The following APBA2 variants were observed in gnomAD, a reference collection of about 807,000 sequenced individuals.
APBA2 encodes amyloid-beta A4 precursor protein-binding family A member 2.
APBA2 carries 30 observed loss-of-function variants against 75.0 expected under a neutral mutation model. That is an observed-to-expected ratio of 0.40 (90% CI 0.30 to 0.54). The LOEUF (loss-of-function observed/expected upper bound fraction) is 0.54. Among genes scored for constraint, APBA2 ranks in the 20% least tolerant of loss-of-function variants. APBA2 has a pLI of 0.49. For missense variants in APBA2, 801 were observed against 1,016.1 expected, an observed-to-expected ratio of 0.79 and a Z score of 2.88; for synonymous variants, 444 against 409.6, an observed-to-expected ratio of 1.08 and a Z score of -1.01.
At chr15:29,020,528 G>A (rs911765961) in intron 3 of APBA2, among the ~76,000 whole-genome samples, 1 of 151,698 alleles carries the variant, frequency 6.6e-6, no homozygotes, top group East Asian at 1.9e-4. Flanking sequence ...AAAACCGGCC[G>A]GGTGCTGTGG....
At chr15:28,983,064 C>T (rs887058901) in intron 2 of APBA2, among the ~76,000 whole-genome samples, 11 of 152,202 alleles carry the variant, frequency 7.2e-5, no homozygotes, top group Admixed American at 6.5e-4. Flanking sequence ...CCACTCATGT[C>T]CCCACTGATG....
chr15:28,980,991 A>T (rs2037591978), intron 2 of APBA2, among the ~76,000 whole-genome samples: 1 of 152,228 alleles, frequency 6.6e-6, no homozygotes, highest in Non-Finnish European at 1.5e-5. Flanking sequence ...CCTTATGCAG[A>T]AGAATGAAAC....
At chr15:29,100,240 T>G (rs1435832285) in intron 9 of APBA2, among the ~76,000 whole-genome samples, 1 of 152,204 alleles carries the variant, frequency 6.6e-6, no homozygotes, top group Non-Finnish European at 1.5e-5. Flanking sequence ...AATCAGGAGA[T>G]GCTGAAGAGC....
intron 6 of APBA2, among the ~76,000 whole-genome samples, chr15:29,091,804 A>C (rs2043586352): frequency 6.6e-6 from 1 of 152,082 alleles, no homozygotes; most frequent in African/African-American, 2.4e-5. Context: ...CAGCTGGCTG[A>C]GGGAGGGAAG....
chr15:28,958,460 T>G (rs561182011), intron 2 of APBA2, among the ~76,000 whole-genome samples: 1 of 152,340 alleles, frequency 6.6e-6, no homozygotes, highest in South Asian at 2.1e-4. Flanking sequence ...GTGTAGCGTT[T>G]TGGGATAATT....
intron 2 of APBA2, among the ~76,000 whole-genome samples, chr15:28,944,411 G>A (rs1380050364): frequency 1.3e-5 from 2 of 152,176 alleles, no homozygotes; most frequent in African/African-American, 2.4e-5. Context: ...GATGCCTCCT[G>A]GGTCTCCATC....
intron 2 of APBA2, among the ~76,000 whole-genome samples, chr15:28,932,203 G>T (rs554699110): frequency 1.3e-5 from 2 of 152,306 alleles, no homozygotes; most frequent in South Asian, 4.1e-4. Context: ...GCTGGCAGAA[G>T]AGAGGTTCAC....
intron 3 of APBA2, among the ~76,000 whole-genome samples, chr15:29,034,704 T>C (rs902622194): frequency 6.6e-6 from 1 of 152,204 alleles, no homozygotes; most frequent in Non-Finnish European, 1.5e-5. Context: ...AATGAAGTGT[T>C]ACCCTACAGC....
chr15:29,109,046 G>C lies in APBA2; in HGVS notation c.2037+657G>C, dbSNP rs193182820. Among the ~76,000 whole-genome samples, 535 of 152,306 alleles carry C rather than the reference G, an allele frequency of 3.5e-3. 6 individuals carry two copies. The highest frequency in any genetic ancestry group is 0.013 in the African/African-American group (521 of 41,568). ...TCCTGCAAAAGACCCAGAGGGCAGA[G>C]ATGTGGCCACTAAGTGGAGTAAAGA... On this transcript the variant is annotated intron_variant, in intron 13 of 14. Transcript: ENST00000683413.
At chr15:28,937,424 G>A (rs1400121045) in intron 2 of APBA2, among the ~76,000 whole-genome samples, 1 of 152,144 alleles carries the variant, frequency 6.6e-6, no homozygotes, top group Admixed American at 6.5e-5. Context: ...AGTGCGCTTG[G>A]GGTGTGGCTC....
chr15:29,054,388 G>A lies in APBA2; in HGVS notation c.504G>A (p.Pro168=), dbSNP rs763865869. Residue 168 remains proline, a synonymous_variant, in exon 4 of 15, where the codon CCG becomes CCA. Transcript: ENST00000683413. This position sits in a 1 kb window ranked among gnomAD's most constrained non-coding sequence, Gnocchi z 6.1. ...ACCCAGACGGCCAACTGCCCATTCC[G>A]GAGGATGAGCCCTCCGTCCTTGAGG... ...QDYPDGQLPI[P]EDEPSVLEAH... is the part of the protein sequence containing the mutation. The A allele has an allele frequency of 9.9e-6, 16 of 1,614,004 alleles. No homozygotes were observed. Among genetic ancestry groups the A allele is most frequent in the Admixed American group, 3.3e-5 (2 of 60,008 alleles).
chr15:28,886,823 C>T (rs2031770309), intron 1 of APBA2, among the ~76,000 whole-genome samples: 1 of 152,206 alleles, frequency 6.6e-6, no homozygotes, highest in African/African-American at 2.4e-5. Flanking sequence ...CCCCGTTGCT[C>T]CTGGGCTGCA....
chr15:28,915,957 T>A (rs2033671268), intron 1 of APBA2, among the ~76,000 whole-genome samples: 1 of 151,910 alleles, frequency 6.6e-6, no homozygotes, highest in Non-Finnish European at 1.5e-5. Context: ...ACCCACCACA[T>A]CACATACTCT....
chr15:29,096,596 T>C (rs992368772), intron 8 of APBA2, among the ~76,000 whole-genome samples: 4 of 152,252 alleles, frequency 2.6e-5, no homozygotes, highest in African/African-American at 9.6e-5. Context: ...CTCCTTTCTC[T>C]TTCTAATGAG....
intron 2 of APBA2, among the ~76,000 whole-genome samples, chr15:28,989,750 G>A (rs777036483): frequency 2.6e-5 from 4 of 152,196 alleles, no homozygotes; most frequent in Non-Finnish European, 5.9e-5. Flanking sequence ...GGCGGGCTGT[G>A]TACACCCTCT....
chr15:28,959,562 G>C (rs1034711577), intron 2 of APBA2, among the ~76,000 whole-genome samples: 1 of 139,400 alleles, frequency 7.2e-6, no homozygotes, highest in African/African-American at 3.3e-5. Context: ...AACCAGCCCT[G>C]CTGACACCAT....
chr15:28,949,077 C>T (rs181237586), intron 2 of APBA2, among the ~76,000 whole-genome samples: 39 of 151,952 alleles, frequency 2.6e-4, no homozygotes, highest in Middle Eastern at 3.4e-3. Context: ...GAGAACACAC[C>T]GAGAAGGGAG....
At chr15:29,065,668 C>G (rs1404918242) in intron 4 of APBA2, among the ~76,000 whole-genome samples, 1 of 152,158 alleles carries the variant, frequency 6.6e-6, no homozygotes, top group Non-Finnish European at 1.5e-5. Context: ...CCCAGTCAGC[C>G]TTCACAGAAG....
intron 7 of APBA2, 141 bp downstream of exon 7, chr15:29,093,361 C>A: frequency 7.7e-7 from 1 of 1,303,006 alleles, no homozygotes; most frequent in Non-Finnish European, 1.1e-6. Context: ...GCCCAGGTGC[C>A]AACGAGGCTG....
Sources: gnomAD v4.1 joint callset for allele counts (sites outside exome capture counted in the v4.1 genomes callset) on GRCh38, gnomAD v4.1.1 for gene constraint, Gnocchi (gnomAD v3.1) non-coding constraint, MANE v1.5 for transcripts, NCBI Gene and HGNC (gene_info 2026-07-23, HGNC 2026-07-21) for gene names.